The following DCPH1 variants were observed in gnomAD, a reference collection of about 807,000 sequenced individuals.
DCPH1 encodes damage control phosphatase 1, also known as damage-control phosphatase 1.
the DCPH1 span, among the ~76,000 whole-genome samples, chr6:151,466,506 G>C: frequency 7.2e-5 from 11 of 152,082 alleles, no homozygotes; most frequent in African/African-American, 2.2e-4. Context: ...GCCTCCATTT[G>C]GTGTCCGCAG....
chr6:151,457,665 T>G, the DCPH1 span, among the ~76,000 whole-genome samples: 1 of 152,178 alleles, frequency 6.6e-6, no homozygotes, highest in African/African-American at 2.4e-5. Context: ...GGACTAAATA[T>G]CAACATGATA....
At chr6:151,469,215 C>T in the DCPH1 span, 2 of 937,360 alleles carry the variant, frequency 2.1e-6, no homozygotes, top group East Asian at 2.7e-5. Context: ...TGTACGCGCT[C>T]AGGGAAGCTT....
chr6:151,453,015 T>G, the DCPH1 span, among the ~76,000 whole-genome samples: 1 of 152,276 alleles, frequency 6.6e-6, no homozygotes, highest in Non-Finnish European at 1.5e-5. Flanking sequence ...GTCACGCTAC[T>G]GATTCTTGGG....
the DCPH1 span, among the ~76,000 whole-genome samples, chr6:151,459,344 A>G: frequency 6.6e-6 from 1 of 152,256 alleles, no homozygotes; most frequent in Non-Finnish European, 1.5e-5. Context: ...TCATGAGAAC[A>G]GTGAATCATA....
At chr6:151,469,287 A>G in the DCPH1 span, 8 of 518,864 alleles carry the variant, frequency 1.5e-5, no homozygotes, top group Non-Finnish European at 2.7e-5. Context: ...TTGCCCCACT[A>G]CACTGTTTTG....
the DCPH1 span, among the ~76,000 whole-genome samples, chr6:151,457,442 T>TA: frequency 6.6e-6 from 1 of 152,204 alleles, no homozygotes; most frequent in Non-Finnish European, 1.5e-5. Context: ...AATTTATAGT[T>TA]AAAGAGTTGA....
chr6:151,467,573 A>G, the DCPH1 span, among the ~76,000 whole-genome samples: 1 of 152,210 alleles, frequency 6.6e-6, no homozygotes, highest in Non-Finnish European at 1.5e-5. Context: ...AAGTACTAGT[A>G]TCTCGTTTTT....
chr6:151,461,371 C>T, the DCPH1 span, among the ~76,000 whole-genome samples: 1 of 149,744 alleles, frequency 6.7e-6, no homozygotes, highest in Admixed American at 6.6e-5. Flanking sequence ...AAGGTGGCTT[C>T]AAAAATGCGT....
At chr6:151,458,278 T>C in the DCPH1 span, 1 of 1,563,722 alleles carries the variant, frequency 6.4e-7, no homozygotes, top group Non-Finnish European at 8.7e-7. Context: ...CCTAGAGGAA[T>C]TGCACAGACA....
the DCPH1 span, among the ~76,000 whole-genome samples, chr6:151,459,203 G>A: frequency 6.6e-6 from 1 of 152,266 alleles, no homozygotes; most frequent in South Asian, 2.1e-4. Context: ...AATAAAAGAA[G>A]TTTTGCTTAT....
chr6:151,457,446 G>C, the DCPH1 span, among the ~76,000 whole-genome samples: 1 of 152,350 alleles, frequency 6.6e-6, no homozygotes, highest in South Asian at 2.1e-4. Context: ...TATAGTTAAA[G>C]AGTTGAAGTT....
the DCPH1 span, among the ~76,000 whole-genome samples, chr6:151,466,898 T>C: frequency 6.6e-5 from 10 of 152,154 alleles, no homozygotes. Flanking sequence ...CCTTGGACAC[T>C]TTAGTTATTA....
chr6:151,461,378 G>A, the DCPH1 span, among the ~76,000 whole-genome samples: 1 of 148,702 alleles, frequency 6.7e-6, no homozygotes. Flanking sequence ...CTTCAAAAAT[G>A]CGTATTTTTA....
At chr6:151,467,486 T>C in the DCPH1 span, among the ~76,000 whole-genome samples, 11 of 152,140 alleles carry the variant, frequency 7.2e-5, no homozygotes, top group Non-Finnish European at 1.3e-4. Flanking sequence ...TAGTGTTTAT[T>C]GAGTACTTCT....
the DCPH1 span, among the ~76,000 whole-genome samples, chr6:151,453,535 G>C: frequency 6.6e-6 from 1 of 152,028 alleles, no homozygotes; most frequent in African/African-American, 2.4e-5. Flanking sequence ...TCACTGTTTT[G>C]GGTGGTACTG....
At chr6:151,468,540 C>A in the DCPH1 span, 3 of 1,613,852 alleles carry the variant, frequency 1.9e-6, no homozygotes, top group Non-Finnish European at 2.5e-6. Context: ...ATATTGTTCT[C>A]GATAATTCTG....
the DCPH1 span, among the ~76,000 whole-genome samples, chr6:151,456,473 A>G: frequency 6.6e-6 from 1 of 152,180 alleles, no homozygotes; most frequent in Non-Finnish European, 1.5e-5. Context: ...TTGTTGCTAA[A>G]ATCCGGCTTA....
chr6:151,459,787 A>T, the DCPH1 span, among the ~76,000 whole-genome samples: 3 of 152,062 alleles, frequency 2.0e-5, no homozygotes, highest in Non-Finnish European at 4.4e-5. Context: ...GAGACTGTTT[A>T]AAAAAACCAA....
At chr6:151,454,534 TG>T in the DCPH1 span, 1 of 1,245,232 alleles carries the variant, frequency 8.0e-7, no homozygotes, top group Non-Finnish European at 1.2e-6. Context: ...ATATTGCATG[TG>T]ACTCTTTTCT....
Sources: allele counts gnomAD v4.1 joint callset (sites outside exome capture counted in the v4.1 genomes callset), GRCh38; gene constraint gnomAD v4.1.1; transcripts MANE v1.5; gene names NCBI Gene and HGNC (gene_info 2026-07-23, HGNC 2026-07-21).